The following LRBA variants were observed in gnomAD, a reference collection of about 807,000 sequenced individuals.
LRBA encodes the protein lipopolysaccharide-responsive and beige-like anchor protein.
A neutral mutation model predicts 330.0 loss-of-function variants in LRBA; 176 were observed. That is an observed-to-expected ratio of 0.53 (90% CI 0.47 to 0.60). The LOEUF (loss-of-function observed/expected upper bound fraction) is 0.60, where lower values mean the gene tolerates loss of function less well. Among genes scored for constraint, LRBA ranks in the 20% least tolerant of loss-of-function variants. The probability of loss-of-function intolerance (pLI) is 0.00; values close to 1 mark genes in which losing one functional copy is unlikely to be tolerated. For missense variants in LRBA, 3,259 were observed against 3,444.8 expected, an observed-to-expected ratio of 0.95 and a Z score of 1.35; for synonymous variants, 1,230 against 1,193.0, an observed-to-expected ratio of 1.03 and a Z score of -0.64.
rs762339802 is a variant in LRBA at position 150,897,751 on chromosome 4, T to C, written c.1992A>G (p.Gln664=). ...LRAFLLMFIK[Q]LVMKDSGVKE... ...AACGTGAACTCACCTTCATCACTAATTGCTTAATGAACATCAACAAGAATG... is the reference window on the plus strand; with the variant it reads ...AACGTGAACTCACCTTCATCACTAACTGCTTAATGAACATCAACAAGAATG... Residue 664 remains glutamine (Q), a synonymous_variant, in exon 15 of 57, where the codon CAA becomes CAG. Transcript: ENST00000651943. 3.7e-6 allele frequency: 6 copies of C among 1,610,854 alleles called. No homozygotes were observed. In the East Asian group the frequency reaches 8.9e-5, roughly 24 times the overall value.
intron 46 of LRBA, among the ~76,000 whole-genome samples, chr4:150,434,322 A>G (rs1750811271): frequency 6.6e-6 from 1 of 152,214 alleles, no homozygotes; most frequent in Non-Finnish European, 1.5e-5. Flanking sequence ...TCTAGTAAGG[A>G]CTATTACTAG....
intron 28 of LRBA, among the ~76,000 whole-genome samples, chr4:150,837,583 A>C (rs550475899): frequency 1.1e-4 from 17 of 152,204 alleles, no homozygotes; most frequent in African/African-American, 3.1e-4. Context: ...GTTGGTTTAA[A>C]GTCTGTTTTA....
intron 2 of LRBA, among the ~76,000 whole-genome samples, chr4:150,994,210 CACCACT>C (rs901737045): frequency 3.3e-5 from 5 of 152,116 alleles, no homozygotes; most frequent in African/African-American, 7.2e-5. Flanking sequence ...CCACCACCAC[CACCACT>C]ACCACTACCA....
chr4:150,691,588 T>C (rs1336129191), intron 36 of LRBA, among the ~76,000 whole-genome samples: 2 of 152,222 alleles, frequency 1.3e-5, no homozygotes, highest in Admixed American at 6.5e-5. Context: ...CTCTCATACC[T>C]ACCTTGGTGG....
rs755146953 is a variant in LRBA, at chr4:150,583,953, C to T, written c.6330+4095G>A. 3 of 1,613,738 alleles carry T rather than the reference C, an allele frequency of 1.9e-6. No homozygotes were observed. Among genetic ancestry groups the T allele is most frequent in the Non-Finnish European group, 2.5e-6 (3 of 1,179,882 alleles). On this transcript the variant is annotated intron_variant, in intron 40 of 56. Coordinates refer to ENST00000651943, the MANE Select transcript of LRBA (RefSeq NM_001364905.1). The surrounding 1 kb of genome is among the most constrained non-coding windows in gnomAD (Gnocchi z 9.8). ...TCAACGGCATCCTGCTGCAGCTCAT[C>T]TCCTGCCTGCAGTGCCGCCGCTGCC...
At chr4:150,375,269 T>C (rs981624682) in intron 47 of LRBA, among the ~76,000 whole-genome samples, 5 of 152,094 alleles carry the variant, frequency 3.3e-5, no homozygotes, top group African/African-American at 1.2e-4. Flanking sequence ...TTTTTCATAG[T>C]GATCAGCCCT....
intron 2 of LRBA, among the ~76,000 whole-genome samples, chr4:150,992,310 C>G (rs571047803): frequency 1.0e-5 from 1 of 96,450 alleles, no homozygotes; most frequent in Admixed American, 1.3e-4. Context: ...AGCGAGACTC[C>G]GTCTCAAAAA....
chr4:150,396,477 A>ATC (rs1353720469), intron 47 of LRBA, among the ~76,000 whole-genome samples: 5 of 63,216 alleles, frequency 7.9e-5, no homozygotes, highest in South Asian at 4.5e-4. Context: ...AATAAATCTC[A>ATC]TCTCACACAC....
chr4:150,863,179 T>C (rs910953947), intron 22 of LRBA, among the ~76,000 whole-genome samples: 5 of 152,038 alleles, frequency 3.3e-5, no homozygotes, highest in Admixed American at 3.3e-4. Context: ...AAGTCTGTAG[T>C]CCCAGCTACT....
chr4:150,519,793 G>A (rs1038129025), intron 40 of LRBA, among the ~76,000 whole-genome samples: 1 of 152,126 alleles, frequency 6.6e-6, no homozygotes, highest in African/African-American at 2.4e-5. Context: ...CAAAACAGTT[G>A]CACTATTTTA....
chr4:150,683,466 G>T, intron 37 of LRBA, 85 bp downstream of exon 37: 2 of 1,030,960 alleles, frequency 1.9e-6, no homozygotes, highest in Non-Finnish European at 2.9e-6. Flanking sequence ...TTCTTCATCT[G>T]GCTTTGATCA....
intron 36 of LRBA, among the ~76,000 whole-genome samples, chr4:150,725,742 T>C (rs1233444300): frequency 1.3e-5 from 2 of 152,134 alleles, no homozygotes; most frequent in East Asian, 3.9e-4. Context: ...AAAGACTAAA[T>C]AATGAACCAA....
At chr4:150,431,823 G>A (rs1750422790) in intron 46 of LRBA, among the ~76,000 whole-genome samples, 2 of 151,904 alleles carry the variant, frequency 1.3e-5, no homozygotes, top group South Asian at 4.2e-4. Flanking sequence ...TCATTGAGAG[G>A]TCAGATCTGA....
intron 37 of LRBA, among the ~76,000 whole-genome samples, chr4:150,624,046 C>T (rs1456931844): frequency 6.6e-6 from 1 of 152,120 alleles, no homozygotes; most frequent in Non-Finnish European, 1.5e-5. Context: ...GAACAGATTA[C>T]ATTATTGTTT....
At chr4:150,656,992 A>G (rs1238381624) in intron 37 of LRBA, among the ~76,000 whole-genome samples, 1 of 152,232 alleles carries the variant, frequency 6.6e-6, no homozygotes, top group Non-Finnish European at 1.5e-5. Flanking sequence ...TGGAGTTGAC[A>G]TCAATGTTGT....
At chr4:150,385,605 G>C (rs1468900694) in intron 47 of LRBA, among the ~76,000 whole-genome samples, 1 of 152,146 alleles carries the variant, frequency 6.6e-6, no homozygotes, top group Non-Finnish European at 1.5e-5. Context: ...AGGAAGAAGG[G>C]AAGAGGGGGC....
intron 47 of LRBA, among the ~76,000 whole-genome samples, chr4:150,363,940 T>C (rs1484945167): frequency 4.6e-5 from 7 of 152,210 alleles, no homozygotes; most frequent in South Asian, 2.1e-4. Context: ...GGCAGAGTTA[T>C]AGAAAATTTG....
chr4:150,788,920 A>G (rs1444232146), intron 34 of LRBA, among the ~76,000 whole-genome samples: 1 of 151,706 alleles, frequency 6.6e-6, no homozygotes, highest in Non-Finnish European at 1.5e-5. Flanking sequence ...ACTAAAATTC[A>G]AAAATGTGCC....
chr4:150,977,919 C>A (rs1454318398), intron 2 of LRBA, among the ~76,000 whole-genome samples: 1 of 152,262 alleles, frequency 6.6e-6, no homozygotes, highest in African/African-American at 2.4e-5. Context: ...CTCCTTGGCT[C>A]CTGGATGGCC....
Sources: gnomAD v4.1 joint callset for allele counts (sites outside exome capture counted in the v4.1 genomes callset) on GRCh38, gnomAD v4.1.1 for gene constraint, Gnocchi (gnomAD v3.1) non-coding constraint, MANE v1.5 for transcripts, NCBI Gene and HGNC (gene_info 2026-07-23, HGNC 2026-07-21) for gene names.